Variants in AGBL2 observed in about 807,000 individuals in gnomAD.
The protein encoded by AGBL2 is AGBL carboxypeptidase 2.
Under a neutral mutation model 103.0 loss-of-function variants are expected in AGBL2, and 87 were observed. That is an observed-to-expected ratio of 0.84 (90% CI 0.71 to 1.01). AGBL2 has a LOEUF of 1.01. Ranked by LOEUF, AGBL2 falls within the 50% of genes least tolerant of loss-of-function variation. AGBL2 has a pLI of 0.00. For synonymous variants in AGBL2, 335 were observed against 356.7 expected, an observed-to-expected ratio of 0.94 and a Z score of 0.69; for missense variants, 904 against 1,023.5, an observed-to-expected ratio of 0.88 and a Z score of 1.59.
intron 9 of AGBL2, 117 bp downstream of exon 9, chr11:47,691,986 C>T: frequency 1.1e-6 from 1 of 889,338 alleles, no homozygotes; most frequent in Non-Finnish European, 1.6e-6. Context: ...TCTTCATACC[C>T]ATAACTATTC....
At chr11:47,689,651 C>T (rs1176721598) in intron 10 of AGBL2, among the ~76,000 whole-genome samples, 1 of 152,084 alleles carries the variant, frequency 6.6e-6, no homozygotes, top group Non-Finnish European at 1.5e-5. Flanking sequence ...TTGACTGTGC[C>T]TACCTCATAA....
At chr11:47,691,002 C>T in intron 9 of AGBL2, 144 bp from the exon 10 acceptor site, 1 of 720,970 alleles carries the variant, frequency 1.4e-6, no homozygotes, top group Non-Finnish European at 2.2e-6. Context: ...CTCTGTAATC[C>T]CAGCACTTTG....
At chr11:47,681,872 A>T (rs1023437001) in intron 12 of AGBL2, 97 bp downstream of exon 12, 1 of 1,418,604 alleles carries the variant, frequency 7.0e-7, no homozygotes, top group African/African-American at 1.4e-5. Context: ...CCTCTAGATC[A>T]GTTATCTCCC....
At chr11:47,692,340 C>A in intron 8 of AGBL2, 84 bp from the exon 9 acceptor site, 7 of 900,218 alleles carry the variant, frequency 7.8e-6, no homozygotes, top group South Asian at 1.6e-5. Flanking sequence ...TCTAAGTGGT[C>A]AACACTATTC....
At position 47,660,283 on chromosome 11, in the gene AGBL2, G is replaced by A; in HGVS notation, c.2599C>T (p.Pro867Ser). 2 of 1,614,194 alleles carry A rather than the reference G, an allele frequency of 1.2e-6. No homozygotes were observed. Among genetic ancestry groups the A allele is most frequent in the South Asian group, 2.2e-5 (2 of 91,078 alleles). The change falls in exon 19 of 19, where the codon CCA becomes TCA. Residue 867 changes from proline to serine, a missense_variant. By Grantham distance (74) the Pro-to-Ser change is moderately conservative. Transcript: ENST00000525123. ...CAGTTTGGCTTCATACCTGGAGCTG[G>A]CTCTTGGCTGGAGTTTATGGTTCTC... ...PKRTINSSQE[P>S]APGMKPNWPR... is the part of the protein sequence containing the mutation.
rs1006806651 is a variant in AGBL2 at position 47,660,099 on chromosome 11, A to C, written c.*74T>G. 1.3e-6 allele frequency: 2 copies of C among 1,482,814 alleles called. No individual in the cohort carries two copies. Among genetic ancestry groups the C allele is most frequent in the Non-Finnish European group, 1.8e-6 (2 of 1,091,200 alleles). 91.9% of individuals were successfully genotyped at this position (1,482,814 alleles called of 1,614,324 possible). ...AAGTAAATGCAGTTCCCAGTCATAC[A>C]TCTCCCCCATTATAAAATGTGTCTA... On this transcript the variant is annotated 3_prime_UTR_variant, in exon 19 of 19. Transcript: ENST00000525123.
At chr11:47,694,994 T>TA (rs1197562271) in intron 8 of AGBL2, among the ~76,000 whole-genome samples, 2 of 148,964 alleles carry the variant, frequency 1.3e-5, no homozygotes, top group African/African-American at 4.9e-5. Flanking sequence ...ACCAAAAAGA[T>TA]AAAAAATTAG....
At chr11:47,661,679 C>T (rs1292862079) in intron 18 of AGBL2, among the ~76,000 whole-genome samples, 6 of 152,060 alleles carry the variant, frequency 3.9e-5, no homozygotes, top group Admixed American at 6.6e-5. Flanking sequence ...CTGTGTTTTA[C>T]CCAGACTCAT....
chr11:47,710,639 G>T, intron 3 of AGBL2, 128 bp from the exon 4 acceptor site: 2 of 1,098,342 alleles, frequency 1.8e-6, no homozygotes, highest in Non-Finnish European at 2.7e-6. Flanking sequence ...TGAATACACT[G>T]CATTTTTCAA....
intron 16 of AGBL2, 44 bp from the exon 17 acceptor site, chr11:47,667,107 A>T: frequency 1.5e-6 from 2 of 1,341,452 alleles, no homozygotes; most frequent in Non-Finnish European, 2.1e-6. Context: ...TGATCTATTC[A>T]AAATTGATCC....
chr11:47,715,338 G>C lies in AGBL2; in HGVS notation c.-264C>G, dbSNP rs2097546300. 1 of 152,260 alleles carries C rather than the reference G, an allele frequency of 6.6e-6. No homozygotes were observed. The highest frequency in any genetic ancestry group is 1.5e-5 in the Non-Finnish European group (1 of 68,096). The allele number at this position is 152,260 out of a possible 1,614,324, so 9.4% of individuals were successfully genotyped here. On this transcript the variant is annotated 5_prime_UTR_variant, in exon 1 of 19. Transcript: ENST00000525123. ...GGGGACAAACTCGCTGCACCCGCCC[G>C]CCACCGCCTTCTGTGAGGGCCCGGG...
chr11:47,700,933 C>A (rs1333741943), intron 7 of AGBL2, among the ~76,000 whole-genome samples: 1 of 151,302 alleles, frequency 6.6e-6, no homozygotes, highest in East Asian at 2.0e-4. Flanking sequence ...ACAGTGGGCA[C>A]CTGTAATCCC....
At chr11:47,695,490 A>AG (rs1278194783) in intron 8 of AGBL2, among the ~76,000 whole-genome samples, 1 of 150,564 alleles carries the variant, frequency 6.6e-6, no homozygotes, top group East Asian at 2.0e-4. Context: ...AAAAAAAAAA[A>AG]AAAAACAGTT....
At chr11:47,678,338 A>ATTTTT (rs1196435610) in intron 13 of AGBL2, among the ~76,000 whole-genome samples, 8 of 95,228 alleles carry the variant, frequency 8.4e-5, no homozygotes, top group Non-Finnish European at 1.3e-4. Context: ...TTATTTTATT[A>ATTTTT]TTTTATTTTT....
Position 47,690,384 on chromosome 11 carries a change from G to A in AGBL2, c.1323C>T (p.Asn441=). 6.2e-7 allele frequency: 1 copy of A among 1,614,148 alleles called. No individual in the cohort carries two copies. The highest frequency in any genetic ancestry group is 8.5e-7 in the Non-Finnish European group (1 of 1,180,028). Residue 441 remains asparagine, a synonymous_variant, in exon 10 of 19, where the codon AAC becomes AAT. Transcript: ENST00000525123. ...CTGCCTCTTGAGGGGTCTGGGATGGGTTGGTGATGGTGAGCAAGTAAACGG... is the reference window on the plus strand; with the variant it reads ...CTGCCTCTTGAGGGGTCTGGGATGGATTGGTGATGGTGAGCAAGTAAACGG... The part of the protein sequence containing the change: ...GNTVYLLTIT[N]PSQTPQEAAA...
At chr11:47,684,294 A>G (rs1050479025) in intron 11 of AGBL2, among the ~76,000 whole-genome samples, 3 of 149,838 alleles carry the variant, frequency 2.0e-5, no homozygotes, top group Non-Finnish European at 4.5e-5. Flanking sequence ...AAGGACGGGT[A>G]TGGTGGCTCA....
intron 4 of AGBL2, among the ~76,000 whole-genome samples, chr11:47,709,280 C>CAGG (rs531655590): frequency 4.8e-4 from 72 of 150,066 alleles, no homozygotes; most frequent in Admixed American, 2.6e-3. Flanking sequence ...CAAGAGGAGC[C>CAGG]AGGAGACCAA....
intron 9 of AGBL2, among the ~76,000 whole-genome samples, chr11:47,691,709 A>AG (rs2097446325): frequency 8.5e-5 from 1 of 11,742 alleles, no homozygotes; most frequent in African/African-American, 2.5e-4. Flanking sequence ...CTCCATCTCA[A>AG]GAAAAAAAAA....
chr11:47,678,343 A>ATTATTATTTTTTTTTTTTTTT (rs2097385523), intron 13 of AGBL2, among the ~76,000 whole-genome samples: 11 of 116,862 alleles, frequency 9.4e-5, no homozygotes, highest in East Asian at 2.9e-4. Context: ...TTATTATTTT[A>ATTATTATTTTTTTTTTTTTTT]TTTTTTTTGA....
Sources: allele counts gnomAD v4.1 joint callset (sites outside exome capture counted in the v4.1 genomes callset), GRCh38; gene constraint gnomAD v4.1.1; transcripts MANE v1.5; gene names NCBI Gene and HGNC (gene_info 2026-07-23, HGNC 2026-07-21).